KANSL1: variants seen among roughly 807,000 people sequenced by gnomAD.
KANSL1 encodes the protein KAT8 regulatory NSL complex subunit 1.
Under a neutral mutation model 103.6 loss-of-function variants are expected in KANSL1, and 22 were observed. The ratio of observed to expected loss-of-function variants is 0.21; its 90% CI spans 0.15 to 0.30. The LOEUF (loss-of-function observed/expected upper bound fraction) is 0.30. Among genes scored for constraint, KANSL1 ranks in the 10% least tolerant of loss-of-function variants. The pLI, the probability that KANSL1 is intolerant of heterozygous loss-of-function variation, is 1.00. For missense variants in KANSL1, 1,337 were observed against 1,399.8 expected (o/e 0.96, Z 0.72); for synonymous variants, 600 against 527.6 (o/e 1.14, Z -1.88).
At position 46,031,557 on chromosome 17, in the gene KANSL1, C is replaced by T. The variant is rs747976314; in HGVS notation, c.3237G>A (p.Ala1079=). 8.7e-6 allele frequency: 14 copies of T among 1,613,912 alleles called. No individual in the cohort carries two copies. The highest frequency in any genetic ancestry group is 1.2e-5 in the Non-Finnish European group (14 of 1,180,010). ...GSKTGRETEA[A]PTSPPIVPLK... ...GGGGGACAATGGGAGGCGAGGTGGG[C>T]GCTGCCTCTGTCTCCCGGCCAGTCT... Residue 1079 remains alanine, a synonymous_variant, in exon 15 of 15, where the codon GCG becomes GCA. Transcript: ENST00000432791.
chr17:46,199,667 C>T (rs1221676769), intron 1 of KANSL1, among the ~76,000 whole-genome samples: 1 of 152,230 alleles, frequency 6.6e-6, no homozygotes, highest in Non-Finnish European at 1.5e-5. Flanking sequence ...ATTTTGCCAT[C>T]TCACCACAGA....
intron 1 of KANSL1, among the ~76,000 whole-genome samples, chr17:46,185,734 C>T (rs1331801293): frequency 6.9e-6 from 1 of 145,692 alleles, no homozygotes; most frequent in Non-Finnish European, 1.5e-5. Flanking sequence ...CACACACACA[C>T]GGATAGGCTA....
chr17:46,137,160 CCT>C (rs1259987353), intron 2 of KANSL1, among the ~76,000 whole-genome samples: 2 of 152,318 alleles, frequency 1.3e-5, no homozygotes, highest in South Asian at 4.1e-4. Context: ...CACTTATTCC[CCT>C]GACTTAATTT....
chr17:46,041,208 A>G (rs2077302533), intron 7 of KANSL1: 4 of 152,116 alleles, frequency 2.6e-5, no homozygotes, highest in Admixed American at 2.6e-4. Flanking sequence ...ATTCAGTAGG[A>G]TTTTCTATAG....
Position 46,155,344 on chromosome 17 carries a change from G to A in KANSL1, c.1289+15511C>T, listed in dbSNP as rs532121863. The stretch of plus-strand genomic sequence containing the variant: ...AGCTAATTTTTCTATTTTTAGTAGA[G>A]ACAGGATTTCGCCATGTTGGCCAGG... On this transcript the variant is annotated intron_variant, in intron 2 of 14. Transcript: ENST00000432791. Among the ~76,000 whole-genome samples, 62 of 152,150 alleles carry A rather than the reference G, an allele frequency of 4.1e-4. No individual in the cohort carries two copies. In the East Asian group the frequency reaches 0.012, roughly 29 times the overall value.
chr17:46,162,812 T>C (rs59523717), intron 2 of KANSL1, among the ~76,000 whole-genome samples: 3,922 of 152,314 alleles, frequency 0.026, 172 homozygotes, highest in African/African-American at 0.09. Context: ...CTGTATGATC[T>C]GGCAACTAGC....
chr17:46,146,430 T>G (rs1280897845), intron 2 of KANSL1, among the ~76,000 whole-genome samples: 1 of 152,222 alleles, frequency 6.6e-6, no homozygotes, highest in Non-Finnish European at 1.5e-5. Flanking sequence ...CAGGGCTCTT[T>G]CCTCTACACT....
At chr17:46,137,353 T>C (rs2044197655) in intron 2 of KANSL1, among the ~76,000 whole-genome samples, 1 of 152,252 alleles carries the variant, frequency 6.6e-6, no homozygotes. Flanking sequence ...AAGCTATTAC[T>C]ACTTTTAGAG....
chr17:46,094,247 C>T (rs1444227636), intron 3 of KANSL1: 4 of 305,324 alleles, frequency 1.3e-5, no homozygotes, highest in Admixed American at 5.6e-5. Flanking sequence ...CAGGCACATG[C>T]TATCATGCTC....
intron 2 of KANSL1, among the ~76,000 whole-genome samples, chr17:46,103,277 T>C (rs2042396517): frequency 6.6e-6 from 1 of 152,164 alleles, no homozygotes; most frequent in Non-Finnish European, 1.5e-5. Context: ...GATAATAAAC[T>C]CCCACAAAAC....
At chr17:46,047,813 A>C (rs8079203) in intron 7 of KANSL1, among the ~76,000 whole-genome samples, 2,231 of 136,314 alleles carry the variant, frequency 0.016, 55 homozygotes, top group African/African-American at 0.049. Flanking sequence ...AAAAAAAAAA[A>C]AAAAACAAAA....
chr17:46,132,218 C>A (rs1403450728), intron 2 of KANSL1, among the ~76,000 whole-genome samples: 3 of 152,148 alleles, frequency 2.0e-5, no homozygotes, highest in Non-Finnish European at 4.4e-5. Flanking sequence ...AAGGTCAGGG[C>A]AGTTTCAACC....
chr17:46,059,086 G>C (rs1444529988), intron 6 of KANSL1, among the ~76,000 whole-genome samples: 1 of 151,054 alleles, frequency 6.6e-6, no homozygotes, highest in Admixed American at 6.6e-5. Context: ...AAAAAGAGCA[G>C]AGCTTTTGGT....
At chr17:46,088,968 G>A (rs1048216339) in intron 3 of KANSL1, among the ~76,000 whole-genome samples, 1 of 151,966 alleles carries the variant, frequency 6.6e-6, no homozygotes, top group Non-Finnish European at 1.5e-5. Context: ...GTGAAATGAT[G>A]AAAAGGACAC....
chr17:46,133,464 T>C (rs527476817), intron 2 of KANSL1, among the ~76,000 whole-genome samples: 22 of 152,284 alleles, frequency 1.4e-4, no homozygotes, highest in African/African-American at 5.1e-4. Context: ...TGAAAAAAGC[T>C]ATGAGGCAGG....
chr17:46,173,983 C>A (rs1364855338), intron 1 of KANSL1, among the ~76,000 whole-genome samples: 1 of 152,224 alleles, frequency 6.6e-6, no homozygotes, highest in Non-Finnish European at 1.5e-5. Context: ...GAACTACTGA[C>A]AAACATTATT....
chr17:46,032,157 T>C lies in KANSL1; in HGVS notation c.2980A>G (p.Ser994Gly). 6.2e-7 allele frequency: 1 copy of C among 1,613,968 alleles called. No homozygotes were observed. The highest frequency in any genetic ancestry group is 8.5e-7 in the Non-Finnish European group (1 of 1,179,918). ...AGGGGTGCTGAGTGCAGTTCCGGGC[T>C]AATGGGGCTCCTAGGGGACTGACCA... Reference protein sequence around the residue: ...SHGQSPRSPISPELHSAPLTP... With the variant: ...SHGQSPRSPIGPELHSAPLTP... The change falls in exon 14 of 15, where the codon AGC (serine) becomes GGC (glycine). Residue 994 changes from serine to glycine, a missense_variant. By Grantham distance (56) the Ser-to-Gly change is moderately conservative. Around this residue, in one of 2 missense-constraint regions of KANSL1, gnomAD observed 780 missense variants for 923.4 expected, o/e 0.84. Coordinates refer to ENST00000432791, the MANE Select transcript of KANSL1 (RefSeq NM_015443.4).
At chr17:46,185,880 T>C (rs576834749) in intron 1 of KANSL1, among the ~76,000 whole-genome samples, 3 of 152,302 alleles carry the variant, frequency 2.0e-5, no homozygotes, top group African/African-American at 4.8e-5. Context: ...TTCTGAAGGA[T>C]GTCTATATAT....
chr17:46,222,527 GA>G, intron 1 of KANSL1: 1 of 151,260 alleles, frequency 6.6e-6, no homozygotes, highest in Admixed American at 6.6e-5. Context: ...GAGAATGCTG[GA>G]AAAACTGTGT....
Sources: allele counts gnomAD v4.1 joint callset (sites outside exome capture counted in the v4.1 genomes callset), GRCh38; gene constraint gnomAD v4.1.1; regional missense constraint gnomAD v4.1.1; transcripts MANE v1.5; gene names NCBI Gene and HGNC (gene_info 2026-07-23, HGNC 2026-07-21).